Variants in PATJ observed in about 807,000 individuals in gnomAD.
The protein encoded by PATJ is PATJ crumbs cell polarity complex component.
Under a neutral mutation model 224.9 loss-of-function variants are expected in PATJ, and 190 were observed. The ratio of observed to expected loss-of-function variants is 0.84; its 90% CI spans 0.75 to 0.95. The LOEUF (loss-of-function observed/expected upper bound fraction) is 0.95. Ranked by LOEUF, PATJ falls within the 40% of genes least tolerant of loss-of-function variation. The pLI is 0.00. For synonymous variants in PATJ, 769 were observed against 820.3 expected, an observed-to-expected ratio of 0.94 and a Z score of 1.07; for missense variants, 2,121 against 2,270.3, an observed-to-expected ratio of 0.93 and a Z score of 1.34.
intron 22 of PATJ, 49 bp downstream of exon 22, chr1:61,884,457 T>G (rs763059617): frequency 9.0e-5 from 28 of 310,544 alleles, no homozygotes; most frequent in East Asian, 2.1e-4. Flanking sequence ...AGTGGTTTTT[T>G]TTTTTTTTTT....
At chr1:62,030,360 A>T (rs1020727619) in intron 29 of PATJ, among the ~76,000 whole-genome samples, 13 of 152,196 alleles carry the variant, frequency 8.5e-5, no homozygotes, top group African/African-American at 2.9e-4. Context: ...CATTATCCCA[A>T]TTTTAAAGGT....
chr1:61,811,800 G>T (rs1383412442), intron 14 of PATJ, among the ~76,000 whole-genome samples: 1 of 150,742 alleles, frequency 6.6e-6, no homozygotes, highest in East Asian at 2.0e-4. Context: ...GGTGGCTCAC[G>T]CCTGTAATCC....
chr1:61,948,516 A>G (rs1679112195), intron 27 of PATJ, among the ~76,000 whole-genome samples: 1 of 152,194 alleles, frequency 6.6e-6, no homozygotes, highest in South Asian at 2.1e-4. Context: ...ACAATGAGAC[A>G]CCATCTCACA....
At chr1:61,806,618 C>CACA (rs772698358) in intron 13 of PATJ, among the ~76,000 whole-genome samples, 3 of 75,048 alleles carry the variant, frequency 4.0e-5, no homozygotes, top group Non-Finnish European at 8.5e-5. Context: ...GATTCCGCCT[C>CACA]AAAAAAAAAA....
chr1:61,871,310 C>T (rs1421109684), intron 20 of PATJ, among the ~76,000 whole-genome samples: 7 of 134,920 alleles, frequency 5.2e-5, no homozygotes, highest in African/African-American at 1.8e-4. Context: ...CACCCAGGTT[C>T]AAGCGATTCT....
At chr1:61,808,591 A>T in intron 14 of PATJ, 61 bp downstream of exon 14, 1 of 1,064,972 alleles carries the variant, frequency 9.4e-7, no homozygotes. Flanking sequence ...GGGTCTCACT[A>T]TGTTGTCCAG....
At chr1:61,906,698 T>C (rs1230607984) in intron 24 of PATJ, among the ~76,000 whole-genome samples, 1 of 152,162 alleles carries the variant, frequency 6.6e-6, no homozygotes, top group African/African-American at 2.4e-5. Flanking sequence ...TGAACTTGTC[T>C]GGGAGAATCA....
chr1:61,766,622 C>T, intron 4 of PATJ, 149 bp downstream of exon 4: 1 of 511,890 alleles, frequency 2.0e-6, no homozygotes, highest in Non-Finnish European at 3.3e-6. Context: ...GAAACTGACA[C>T]CATTTTCTAA....
In PATJ at chr1:62,160,990, A is replaced by T. The variant is rs147881544; in HGVS notation, c.5585A>T (p.His1862Leu). The change falls in exon 44 of 44, where the codon CAT becomes CTT. Residue 1862 changes from histidine (H) to leucine (L), a missense_variant. His to Leu is a moderately conservative substitution (Grantham distance 99, BLOSUM62 -3). Coordinates refer to ENST00000642238, the MANE Select transcript of PATJ (RefSeq NM_001350145.3). ...GGCGAGACCCTGGAAGGTGTTACTCATGAGCAAGCAGTCGCCATTCTAAAA... is the reference window on the plus strand; with the variant it reads ...GGCGAGACCCTGGAAGGTGTTACTCTTGAGCAAGCAGTCGCCATTCTAAAA... Reference protein sequence around the residue: ...VNGETLEGVTHEQAVAILKHQ... With the variant: ...VNGETLEGVTLEQAVAILKHQ... 6.2e-7 allele frequency: 1 copy of T among 1,611,858 alleles called. No homozygotes were observed. The highest frequency in any genetic ancestry group is 2.2e-5 in the East Asian group (1 of 44,872).
chr1:61,764,700 ATT>A (rs759194787), intron 3 of PATJ, among the ~76,000 whole-genome samples: 72 of 152,180 alleles, frequency 4.7e-4, no homozygotes, highest in Non-Finnish European at 8.7e-4. Context: ...TTTGTGAGTG[ATT>A]TGTTTATAGC....
chr1:61,961,928 C>A (rs957329739), intron 27 of PATJ, among the ~76,000 whole-genome samples: 1 of 146,374 alleles, frequency 6.8e-6, no homozygotes, highest in Non-Finnish European at 1.5e-5. Context: ...GAGATCACGC[C>A]ATCGCACTCC....
chr1:61,802,227 G>A (rs1389415392), intron 12 of PATJ, among the ~76,000 whole-genome samples: 1 of 151,946 alleles, frequency 6.6e-6, no homozygotes, highest in Non-Finnish European at 1.5e-5. Flanking sequence ...CCGAGTAGCT[G>A]GAATTACAGG....
chr1:61,804,879 T>G lies in PATJ; in HGVS notation c.1550-569T>G, dbSNP rs547398621. On this transcript the variant is annotated intron_variant, in intron 12 of 43. Coordinates refer to ENST00000642238, the MANE Select transcript of PATJ (RefSeq NM_001350145.3). ...CAAAAGACTAGTGTGAAACCAAAGT[T>G]TCTATTGTATTAAAGCTCATGGAAC... is the stretch of plus-strand genomic sequence containing the variant. Among the ~76,000 whole-genome samples the G allele has an allele frequency of 1.7e-4, 26 of 152,282 alleles. 1 individual carries two copies. The highest frequency in any genetic ancestry group is 2.9e-5 in the Non-Finnish European group (2 of 67,998).
intron 14 of PATJ, among the ~76,000 whole-genome samples, 161 bp downstream of exon 14, chr1:61,808,691 A>AT (rs893025675): frequency 1.2e-4 from 18 of 152,212 alleles, no homozygotes; most frequent in East Asian, 3.9e-4. Flanking sequence ...AACTCGGCCC[A>AT]TTTTTTTATC....
At chr1:61,906,758 G>C (rs1671917795) in intron 24 of PATJ, among the ~76,000 whole-genome samples, 1 of 152,014 alleles carries the variant, frequency 6.6e-6, no homozygotes, top group Non-Finnish European at 1.5e-5. Flanking sequence ...AGCATGGCTG[G>C]AGAAATAACC....
chr1:62,027,628 C>CTTTTTT lies in PATJ; in HGVS notation c.3959+9699_3959+9704dup, dbSNP rs57019359. Among the ~76,000 whole-genome samples, 18 of 109,830 alleles carry CTTTTTT rather than the reference C, an allele frequency of 1.6e-4. 1 individual carries two copies. The highest frequency in any genetic ancestry group is 4.3e-4 in the African/African-American group (11 of 25,456). 72.1% of individuals were successfully genotyped at this position (109,830 alleles called of 152,430 possible). ...TTTCTTCATAACCTTGCCAACATTC[C>CTTTTTT]TTTTTTTTTTTTTTTTTTTTTTTGG... On this transcript the variant is annotated intron_variant, in intron 29 of 43. Coordinates refer to ENST00000642238, the MANE Select transcript of PATJ (RefSeq NM_001350145.3).
intron 17 of PATJ, among the ~76,000 whole-genome samples, chr1:61,852,322 G>C (rs527569098): frequency 6.6e-6 from 1 of 152,162 alleles, no homozygotes; most frequent in African/African-American, 2.4e-5. Flanking sequence ...CCCTCTATTG[G>C]CTATTTAGTC....
intron 27 of PATJ, among the ~76,000 whole-genome samples, chr1:61,977,951 G>A (rs927577304): frequency 2.0e-5 from 3 of 149,140 alleles, no homozygotes; most frequent in Admixed American, 6.7e-5. Context: ...CATACAAACA[G>A]AAAACTATAC....
intron 27 of PATJ, among the ~76,000 whole-genome samples, chr1:61,936,384 C>A (rs554338680): frequency 1.6e-5 from 2 of 126,858 alleles, no homozygotes; most frequent in East Asian, 2.6e-4. Flanking sequence ...CCACTGTCCT[C>A]AAGAACCTAG....
Sources: gnomAD v4.1 joint callset for allele counts (sites outside exome capture counted in the v4.1 genomes callset) on GRCh38, gnomAD v4.1.1 for gene constraint, MANE v1.5 for transcripts, NCBI Gene and HGNC (gene_info 2026-07-23, HGNC 2026-07-21) for gene names.